Variants in FRS2 observed in about 807,000 individuals in gnomAD.
The protein encoded by FRS2 is fibroblast growth factor receptor substrate 2, also known as FGFR signalling adaptor.
Under a neutral mutation model 43.9 loss-of-function variants are expected in FRS2, and 8 were observed. The observed-to-expected ratio is 0.18, with a 90% confidence interval of 0.11 to 0.33. The LOEUF is 0.33. Among genes scored for constraint, FRS2 ranks in the 10% least tolerant of loss-of-function variants. FRS2 has a pLI of 1.00. For missense variants in FRS2, 534 were observed against 627.6 expected, an observed-to-expected ratio of 0.85 and a Z score of 1.59; for synonymous variants, 219 against 220.3, an observed-to-expected ratio of 0.99 and a Z score of 0.05.
At chr12:69,504,673 G>A (rs1395625202) in intron 1 of FRS2, among the ~76,000 whole-genome samples, 3 of 152,038 alleles carry the variant, frequency 2.0e-5, no homozygotes, top group Non-Finnish European at 2.9e-5. Flanking sequence ...TTTATTTAAT[G>A]TATGCTTTAA....
chr12:69,485,795 A>T (rs545600791), intron 1 of FRS2, among the ~76,000 whole-genome samples: 1 of 152,212 alleles, frequency 6.6e-6, no homozygotes, highest in Non-Finnish European at 1.5e-5. Context: ...AATACTTACT[A>T]AGATTCACAC....
chr12:69,569,110 G>C lies in FRS2; in HGVS notation c.66+14G>C, dbSNP rs74572384. On this transcript the variant is annotated intron_variant, in intron 5 of 8. Transcript: ENST00000549921. ...AACAAGTTTAAGGTCAGTAAAACTG[G>C]TTGAGTTATATATCTTACTGCCTAG... The C allele has an allele frequency of 1.1e-4, 172 of 1,539,122 alleles. No individual in the cohort carries two copies. In the African/African-American group the frequency reaches 2.1e-3, roughly 19 times the overall value.
At chr12:69,484,551 G>A (rs1871656796) in intron 1 of FRS2, among the ~76,000 whole-genome samples, 1 of 152,052 alleles carries the variant, frequency 6.6e-6, no homozygotes. Flanking sequence ...TCCTCAATTT[G>A]GATTCTCAAC....
In FRS2 at chr12:69,579,343, T is replaced by C. The variant is rs1000029367; in HGVS notation, c.*4388T>C. The stretch of plus-strand genomic sequence containing the variant: ...TTTTAAGGACAAGTGTGAATGTGCT[T>C]TTTAAGCTTAATTTTTGTCATGACA... On this transcript the variant is annotated 3_prime_UTR_variant, in exon 9 of 9. Transcript: ENST00000549921. 6.6e-6 allele frequency: 1 copy of C among 152,660 alleles called. No homozygotes were observed. Among genetic ancestry groups the C allele is most frequent in the East Asian group, 1.9e-4 (1 of 5,204 alleles). 9.5% of individuals were successfully genotyped at this position (152,660 alleles called of 1,614,324 possible).
In FRS2 at chr12:69,524,970, C is replaced by T. The variant is rs75977377; in HGVS notation, c.-260-5895C>T. Among the ~76,000 whole-genome samples, 201 of 152,192 alleles carry T rather than the reference C, an allele frequency of 1.3e-3. 3 individuals carry two copies. The South Asian group carries it at 0.025, about 19-fold the overall frequency. On this transcript the variant is annotated intron_variant, in intron 1 of 8. Coordinates refer to ENST00000549921, the MANE Select transcript of FRS2 (RefSeq NM_001278356.2). ...TGGTAGCCCTGTGTAGGGTTCCCAG[C>T]TTCCTCCCGCTTCAGCTATGCCCTG...
At chr12:69,487,821 A>G (rs1303547803) in intron 1 of FRS2, among the ~76,000 whole-genome samples, 2 of 152,360 alleles carry the variant, frequency 1.3e-5, no homozygotes, top group Admixed American at 6.5e-5. Context: ...AGGTAAAAAT[A>G]TCAACATTAA....
At position 69,494,991 on chromosome 12, in the gene FRS2, C is replaced by G. The variant is rs145406604; in HGVS notation, c.-261+24461C>G. ...GTTTCACCATGTTGGCCAGGCTGATCTCAAACTCCTGACCTCAGATCCACC... is the reference window on the plus strand; with the variant it reads ...GTTTCACCATGTTGGCCAGGCTGATGTCAAACTCCTGACCTCAGATCCACC... On this transcript the variant is annotated intron_variant, in intron 1 of 8. Transcript: ENST00000549921. Among the ~76,000 whole-genome samples the G allele has an allele frequency of 3.1e-4, 47 of 152,258 alleles. 1 individual carries two copies. The East Asian group carries it at 8.1e-3, about 26-fold the overall frequency.
At chr12:69,503,203 C>T (rs1873618968) in intron 1 of FRS2, among the ~76,000 whole-genome samples, 1 of 152,144 alleles carries the variant, frequency 6.6e-6, no homozygotes, top group South Asian at 2.1e-4. Flanking sequence ...CCACTCTCAG[C>T]TTATAGATGC....
At chr12:69,543,473 C>T (rs865858935) in intron 3 of FRS2, among the ~76,000 whole-genome samples, 3 of 151,952 alleles carry the variant, frequency 2.0e-5, no homozygotes, top group South Asian at 2.1e-4. Context: ...ATGGAGTTTA[C>T]GTTTTGTGGT....
In FRS2 at chr12:69,516,288, G is replaced by A. The variant is rs542610040; in HGVS notation, c.-260-14577G>A. ...GGCTGGCGTGCAATGGCGCGATCTC[G>A]GCTCACAGCAACCTCCGCCTCCCTG... is the stretch of plus-strand genomic sequence containing the variant. On this transcript the variant is annotated intron_variant, in intron 1 of 8. Coordinates refer to ENST00000549921, the MANE Select transcript of FRS2 (RefSeq NM_001278356.2). 9.0e-4 allele frequency among the ~76,000 whole-genome samples: 136 copies of A among 151,154 alleles called. No homozygotes were observed. In the Middle Eastern group the frequency reaches 0.014, roughly 15 times the overall value.
chr12:69,479,390 C>CTTTTTTTT lies in FRS2; in HGVS notation c.-261+8870_-261+8877dup, dbSNP rs57688271. Reference sequence around the variant, plus strand: ...GTCCTTTACAGTTAATCTGTTGTTTCTTTTTTTTTTTTTTTTTCTTTTTTT... The same window carrying CTTTTTTTT: ...GTCCTTTACAGTTAATCTGTTGTTTCTTTTTTTTTTTTTTTTTTTTTTTTTCTTTTTTT... On this transcript the variant is annotated intron_variant, in intron 1 of 8. Coordinates refer to ENST00000549921, the MANE Select transcript of FRS2 (RefSeq NM_001278356.2). Among the ~76,000 whole-genome samples, 64 of 119,612 alleles carry CTTTTTTTT rather than the reference C, an allele frequency of 5.4e-4. 2 individuals are homozygous for CTTTTTTTT. The highest frequency in any genetic ancestry group is 7.2e-4 in the African/African-American group (22 of 30,544). 78.5% of individuals were successfully genotyped at this position (119,612 alleles called of 152,430 possible).
At chr12:69,488,881 C>T (rs1222520886) in intron 1 of FRS2, among the ~76,000 whole-genome samples, 1 of 152,082 alleles carries the variant, frequency 6.6e-6, no homozygotes, top group Non-Finnish European at 1.5e-5. Flanking sequence ...AGGGTAGGGA[C>T]ATGTTAAGAA....
intron 1 of FRS2, among the ~76,000 whole-genome samples, chr12:69,511,141 C>T (rs1301689770): frequency 2.0e-5 from 3 of 152,098 alleles, no homozygotes; most frequent in Admixed American, 2.0e-4. Context: ...TTTATGCAGC[C>T]CATCAGTAAA....
At chr12:69,493,169 G>A (rs1872609650) in intron 1 of FRS2, among the ~76,000 whole-genome samples, 1 of 152,138 alleles carries the variant, frequency 6.6e-6, no homozygotes, top group Admixed American at 6.5e-5. Flanking sequence ...TTCTAAAATT[G>A]TTGGTTTAAA....
At chr12:69,529,993 G>A (rs983465500) in intron 1 of FRS2, among the ~76,000 whole-genome samples, 1 of 152,134 alleles carries the variant, frequency 6.6e-6, no homozygotes, top group African/African-American at 2.4e-5. Flanking sequence ...GGCAGAGGTT[G>A]CAGTGAGCTG....
chr12:69,520,921 C>A (rs931926155), intron 1 of FRS2, among the ~76,000 whole-genome samples: 4 of 151,828 alleles, frequency 2.6e-5, no homozygotes, highest in African/African-American at 9.7e-5. Context: ...GTGGTTGTTC[C>A]GTATAAATTA....
intron 1 of FRS2, among the ~76,000 whole-genome samples, chr12:69,498,227 A>G (rs1873089810): frequency 6.6e-6 from 1 of 152,236 alleles, no homozygotes; most frequent in South Asian, 2.1e-4. Flanking sequence ...ATACTAAAAT[A>G]TGCAAAACAA....
intron 1 of FRS2, among the ~76,000 whole-genome samples, chr12:69,479,390 C>CTTTTTTTTTTTT (rs57688271): frequency 1.7e-5 from 2 of 119,696 alleles, no homozygotes; most frequent in African/African-American, 6.6e-5. Context: ...TCTGTTGTTT[C>CTTTTTTTTTTTT]TTTTTTTTTT....
At chr12:69,554,808 G>A (rs568868113) in intron 3 of FRS2, among the ~76,000 whole-genome samples, 19 of 151,020 alleles carry the variant, frequency 1.3e-4, no homozygotes, top group African/African-American at 3.6e-4. Flanking sequence ...GGGCTCAAGC[G>A]ATCCTCTCAC....
Sources: gnomAD v4.1 joint callset for allele counts (sites outside exome capture counted in the v4.1 genomes callset) on GRCh38, gnomAD v4.1.1 for gene constraint, MANE v1.5 for transcripts, NCBI Gene and HGNC (gene_info 2026-07-23, HGNC 2026-07-21) for gene names.